Variants in PDE7B observed in about 807,000 individuals in gnomAD.
PDE7B encodes the protein phosphodiesterase 7B.
Under a neutral mutation model 56.2 loss-of-function variants are expected in PDE7B, and 29 were observed. That is an observed-to-expected ratio of 0.52 (90% CI 0.38 to 0.70). The LOEUF is 0.70. Among genes scored for constraint, PDE7B ranks in the 30% least tolerant of loss-of-function variants. The pLI, the probability that PDE7B is intolerant of heterozygous loss-of-function variation, is 0.00. For synonymous variants in PDE7B, 197 were observed against 196.9 expected, an observed-to-expected ratio of 1.00 and a Z score of 0.00; for missense variants, 490 against 565.0, an observed-to-expected ratio of 0.87 and a Z score of 1.35.
chr6:135,921,524 A>G (rs928245688), intron 1 of PDE7B, among the ~76,000 whole-genome samples: 3 of 152,146 alleles, frequency 2.0e-5, no homozygotes, highest in African/African-American at 4.8e-5. Flanking sequence ...GTTCCCCTAT[A>G]TTAAAATTTT....
Position 135,863,692 on chromosome 6 carries a change from A to ATT in PDE7B, c.21+11689_21+11690dup, listed in dbSNP as rs200974005. Among the ~76,000 whole-genome samples the ATT allele has an allele frequency of 2.0e-3, 284 of 138,636 alleles. 1 individual carries two copies. Among genetic ancestry groups the ATT allele is most frequent in the African/African-American group, 6.0e-3 (230 of 38,430 alleles). 91.0% of individuals were successfully genotyped at this position (138,636 alleles called of 152,430 possible). A position where few individuals can be genotyped will look rare whatever the true frequency, so the allele number is the denominator to read the frequency against. On this transcript the variant is annotated intron_variant, in intron 1 of 12. Coordinates refer to ENST00000308191, the MANE Select transcript of PDE7B (RefSeq NM_018945.4). ...TTACCATAGTAAAACATCCCTTCCAATTTTTTTTTTTTTTTTTGCCTTCAA... is the reference window on the plus strand; with the variant it reads ...TTACCATAGTAAAACATCCCTTCCAATTTTTTTTTTTTTTTTTTTGCCTTCAA...
intron 2 of PDE7B, among the ~76,000 whole-genome samples, chr6:135,978,287 T>C (rs958076828): frequency 2.0e-5 from 3 of 152,114 alleles, no homozygotes; most frequent in Non-Finnish European, 4.4e-5. Flanking sequence ...AAAAACATGA[T>C]ACAAAAGATT....
chr6:136,052,611 G>C (rs1776649641), intron 2 of PDE7B, among the ~76,000 whole-genome samples: 2 of 122,862 alleles, frequency 1.6e-5, no homozygotes, highest in Admixed American at 8.2e-5. Context: ...ATAAAGTTAG[G>C]GTACAGCCCC....
rs1169829565 is a variant in PDE7B at position 135,935,188 on chromosome 6, ATT to A, written c.22-12274_22-12273del. On this transcript the variant is annotated intron_variant, in intron 1 of 12. Transcript: ENST00000308191. ...CAGAGAATTTTATATATATATATTT[ATT>A]TATATATATATATATATATATATAT... Among the ~76,000 whole-genome samples, 14 of 27,808 alleles carry A rather than the reference ATT, an allele frequency of 5.0e-4. 1 individual carries two copies. Among genetic ancestry groups the A allele is most frequent in the African/African-American group, 2.3e-3 (10 of 4,362 alleles). 18.2% of individuals were successfully genotyped at this position (27,808 alleles called of 152,430 possible).
intron 8 of PDE7B, among the ~76,000 whole-genome samples, chr6:136,161,003 G>A (rs1322254479): frequency 1.3e-5 from 2 of 152,058 alleles, no homozygotes; most frequent in African/African-American, 2.4e-5. Flanking sequence ...ACAAGATAAA[G>A]ATATAAAGTA....
chr6:136,179,273 C>T (rs911829213), intron 10 of PDE7B, 132 bp downstream of exon 10: 3 of 737,064 alleles, frequency 4.1e-6, no homozygotes, highest in Non-Finnish European at 7.0e-6. Context: ...TCCATGAGTT[C>T]AAGGCTACAG....
chr6:135,980,510 C>T (rs2128204146), intron 2 of PDE7B, among the ~76,000 whole-genome samples: 1 of 151,464 alleles, frequency 6.6e-6, no homozygotes, highest in Admixed American at 6.6e-5. Context: ...AGGCAACCTA[C>T]AAAATGGGAG....
intron 2 of PDE7B, among the ~76,000 whole-genome samples, chr6:135,996,457 C>A (rs73775448): frequency 6.6e-6 from 1 of 152,246 alleles, no homozygotes; most frequent in African/African-American, 2.4e-5. Context: ...GACTCCCTAC[C>A]ACTAAGAAGT....
At chr6:136,112,217 C>T (rs1777761682) in intron 3 of PDE7B, among the ~76,000 whole-genome samples, 1 of 152,148 alleles carries the variant, frequency 6.6e-6, no homozygotes, top group Non-Finnish European at 1.5e-5. Context: ...GGGCAGAGGA[C>T]ATCAGAATTA....
intron 1 of PDE7B, among the ~76,000 whole-genome samples, chr6:135,936,888 GTTC>G (rs1438079220): frequency 3.9e-5 from 6 of 152,156 alleles, no homozygotes; most frequent in African/African-American, 1.4e-4. Context: ...GACAAGCCAT[GTTC>G]TCATTTCTGT....
chr6:136,026,796 G>A (rs1377303019), intron 2 of PDE7B, among the ~76,000 whole-genome samples: 1 of 152,160 alleles, frequency 6.6e-6, no homozygotes, highest in East Asian at 1.9e-4. Context: ...GGAAGTGCTT[G>A]GGCTCAGGTC....
intron 1 of PDE7B, among the ~76,000 whole-genome samples, chr6:135,891,840 TG>T (rs1775815177): frequency 6.6e-6 from 1 of 152,194 alleles, no homozygotes; most frequent in Admixed American, 6.6e-5. Flanking sequence ...TTGTGTCCTC[TG>T]CTGTCTGTAG....
chr6:136,066,050 GTT>G (rs1412045739), intron 2 of PDE7B, among the ~76,000 whole-genome samples: 3 of 56,836 alleles, frequency 5.3e-5, no homozygotes, highest in African/African-American at 1.9e-4. Context: ...TTGTTTGTTT[GTT>G]TTAAGTTTTA....
chr6:136,061,132 A>C (rs1397638392), intron 2 of PDE7B, among the ~76,000 whole-genome samples: 1 of 152,164 alleles, frequency 6.6e-6, no homozygotes, highest in Non-Finnish European at 1.5e-5. Context: ...TTTTATTTTC[A>C]AATGAATCAA....
At chr6:136,148,364 A>G (rs1330121405) in intron 4 of PDE7B, among the ~76,000 whole-genome samples, 1 of 149,616 alleles carries the variant, frequency 6.7e-6, no homozygotes, top group African/African-American at 2.5e-5. Context: ...TCAAAAAGAA[A>G]GAAGGAAAGA....
At chr6:136,128,438 A>G (rs951890297) in intron 3 of PDE7B, among the ~76,000 whole-genome samples, 3 of 152,112 alleles carry the variant, frequency 2.0e-5, no homozygotes, top group Admixed American at 6.5e-5. Flanking sequence ...CTGTTCTTCT[A>G]CTTGTTACAC....
At chr6:136,012,039 T>C (rs1775903161) in intron 2 of PDE7B, among the ~76,000 whole-genome samples, 1 of 152,122 alleles carries the variant, frequency 6.6e-6, no homozygotes, top group Non-Finnish European at 1.5e-5. Context: ...AAGTGAAATA[T>C]ACAAAAAGGC....
At chr6:136,073,558 G>A (rs1339759838) in intron 2 of PDE7B, among the ~76,000 whole-genome samples, 2 of 152,122 alleles carry the variant, frequency 1.3e-5, no homozygotes, top group Non-Finnish European at 2.9e-5. Flanking sequence ...CTCTGGGCCT[G>A]TGTCCTAATT....
intron 2 of PDE7B, among the ~76,000 whole-genome samples, chr6:135,948,989 G>A (rs1774648728): frequency 6.6e-6 from 1 of 151,784 alleles, no homozygotes. Context: ...TCCCAGTTTT[G>A]GATTTGGGAA....
Sources: allele counts gnomAD v4.1 joint callset (sites outside exome capture counted in the v4.1 genomes callset), GRCh38; gene constraint gnomAD v4.1.1; transcripts MANE v1.5; gene names NCBI Gene and HGNC (gene_info 2026-07-23, HGNC 2026-07-21).